The following ABCA12 variants were observed in gnomAD, a reference collection of about 807,000 sequenced individuals.
The protein encoded by ABCA12 is glucosylceramide transporter ABCA12.
A neutral mutation model predicts 293.5 loss-of-function variants in ABCA12; 156 were observed. The ratio of observed to expected loss-of-function variants is 0.53; its 90% CI spans 0.47 to 0.61. The LOEUF is 0.61. Ranked by LOEUF, ABCA12 falls within the 20% of genes least tolerant of loss-of-function variation. The probability of loss-of-function intolerance (pLI) is 0.00; values close to 1 mark genes in which losing one functional copy is unlikely to be tolerated. For synonymous variants in ABCA12, 1,063 were observed against 1,108.0 expected (o/e 0.96, Z 0.81); for missense variants, 2,797 against 3,090.2 (o/e 0.91, Z 2.25).
chr2:215,014,961 G>A (rs1173004181), intron 15 of ABCA12, among the ~76,000 whole-genome samples: 1 of 152,138 alleles, frequency 6.6e-6, no homozygotes, highest in Non-Finnish European at 1.5e-5. Context: ...ATTGCAAGAT[G>A]AAGTCAATGC....
intron 1 of ABCA12, among the ~76,000 whole-genome samples, chr2:215,114,467 A>G (rs2106131674): frequency 6.6e-6 from 1 of 152,316 alleles, no homozygotes; most frequent in Admixed American, 6.5e-5. Flanking sequence ...TGGGTGCAGA[A>G]AGTTAGCATA....
chr2:214,971,850 T>C (rs1006810315), intron 36 of ABCA12, among the ~76,000 whole-genome samples: 4 of 151,968 alleles, frequency 2.6e-5, no homozygotes, highest in African/African-American at 9.7e-5. Flanking sequence ...TAAAAACTGT[T>C]TGCACAAAAT....
intron 48 of ABCA12, 27 bp from the exon 49 acceptor site, chr2:214,945,131 T>C (rs1314471542): frequency 1.3e-6 from 2 of 1,556,568 alleles, no homozygotes; most frequent in Non-Finnish European, 8.8e-7. Context: ...AACAAAAATT[T>C]ATCAAATTAA....
chr2:215,099,969 A>G (rs951077961), intron 2 of ABCA12, among the ~76,000 whole-genome samples: 2 of 151,836 alleles, frequency 1.3e-5, no homozygotes, highest in Non-Finnish European at 2.9e-5. Context: ...CTCCTAGTCT[A>G]GTATTCAAAA....
intron 19 of ABCA12, among the ~76,000 whole-genome samples, 157 bp from the exon 20 acceptor site, chr2:215,004,456 G>A (rs1474125724): frequency 6.6e-6 from 1 of 152,196 alleles, no homozygotes; most frequent in Admixed American, 6.5e-5. Context: ...GAGAAGAAAA[G>A]AGAAGATTGG....
At chr2:215,099,379 C>T (rs1222057760) in intron 2 of ABCA12, among the ~76,000 whole-genome samples, 1 of 152,190 alleles carries the variant, frequency 6.6e-6, no homozygotes, top group Non-Finnish European at 1.5e-5. Context: ...AAGGCAAAGC[C>T]ATGTGGCTAA....
At chr2:214,939,412 G>A (rs1698325504) in intron 50 of ABCA12, among the ~76,000 whole-genome samples, 1 of 152,130 alleles carries the variant, frequency 6.6e-6, no homozygotes, top group African/African-American at 2.4e-5. Context: ...CTCCAGCTTT[G>A]TTCTTTTTGC....
chr2:215,046,468 T>C (rs1045221583), intron 6 of ABCA12, among the ~76,000 whole-genome samples: 4 of 147,674 alleles, frequency 2.7e-5, no homozygotes, highest in African/African-American at 9.9e-5. Context: ...TAGATTTTTA[T>C]ATATATATAA....
Position 214,973,361 on chromosome 2 carries a change from TTTC to T in ABCA12, c.5562+585_5562+587del, listed in dbSNP as rs201078228. 2.0e-3 allele frequency among the ~76,000 whole-genome samples: 304 copies of T among 152,352 alleles called. 2 individuals carry two copies. Among genetic ancestry groups the T allele is most frequent in the Middle Eastern group, 0.017 (5 of 294 alleles). On this transcript the variant is annotated intron_variant, in intron 36 of 52. Transcript: ENST00000272895. ...CTATTAGAAACTAATAGTGACCTTT[TTTC>T]TTCAACAATCTTGAACTTCTCTAGT...
chr2:215,099,727 A>G (rs1417763390), intron 2 of ABCA12, among the ~76,000 whole-genome samples: 1 of 151,912 alleles, frequency 6.6e-6, no homozygotes, highest in African/African-American at 2.4e-5. Context: ...CCCCTGGAAA[A>G]TGGAGGATGA....
At chr2:215,040,267 G>A (rs1035148826) in intron 7 of ABCA12, among the ~76,000 whole-genome samples, 1 of 151,834 alleles carries the variant, frequency 6.6e-6, no homozygotes, top group Non-Finnish European at 1.5e-5. Context: ...CTATCAAAAA[G>A]GCAAACTATA....
In ABCA12 at chr2:214,953,748, C is replaced by T; in HGVS notation, c.6647+106G>A. 6 of 1,421,778 alleles carry T rather than the reference C, an allele frequency of 4.2e-6. No homozygotes were observed. In the South Asian group the frequency reaches 6.6e-5, roughly 16 times the overall value. 88.1% of individuals were successfully genotyped at this position (1,421,778 alleles called of 1,614,324 possible). ...ATTTTTTAAAAGTTTTTGAGCCAAA[C>T]ATTTCCATATTACCAATGGAAAAGC... On this transcript the variant is annotated intron_variant, in intron 44 of 52. Transcript: ENST00000272895.
chr2:215,090,789 A>G (rs1389816926), intron 2 of ABCA12, among the ~76,000 whole-genome samples: 3 of 151,814 alleles, frequency 2.0e-5, no homozygotes, highest in Admixed American at 6.6e-5. Context: ...ACCCTCTTTT[A>G]TCTAGATTTA....
chr2:215,134,591 CTCTCTCTCTA>C lies in ABCA12; in HGVS notation c.69+3539_69+3548del, dbSNP rs1397049803. Among the ~76,000 whole-genome samples the C allele has an allele frequency of 2.0e-3, 159 of 80,682 alleles. 18 individuals are homozygous for C. Among genetic ancestry groups the C allele is most frequent in the African/African-American group, 0.014 (153 of 10,578 alleles). The allele number at this position is 80,682 out of a possible 152,430, so 52.9% of individuals were successfully genotyped here. A position where few individuals can be genotyped will look rare whatever the true frequency, so the allele number is the denominator to read the frequency against. On this transcript the variant is annotated intron_variant, in intron 1 of 52. Coordinates refer to ENST00000272895, the MANE Select transcript of ABCA12 (RefSeq NM_173076.3). ...GTATATATATAATCTCTCTCTCTCTCTCTCTCTCTATATATATATATATATAGAGAGAGAG... is the reference window on the plus strand; with the variant it reads ...GTATATATATAATCTCTCTCTCTCTCTATATATATATATATAGAGAGAGAG...
intron 39 of ABCA12, among the ~76,000 whole-genome samples, chr2:214,961,280 A>C (rs1699106245): frequency 6.6e-6 from 1 of 152,126 alleles, no homozygotes; most frequent in Admixed American, 6.5e-5. Context: ...ACTATTACTA[A>C]TTTCTATATA....
intron 24 of ABCA12, among the ~76,000 whole-genome samples, chr2:214,990,481 T>C (rs1358176401): frequency 6.6e-6 from 1 of 152,232 alleles, no homozygotes; most frequent in African/African-American, 2.4e-5. Flanking sequence ...TTAGGAACTA[T>C]TTCTTAACAG....
At chr2:215,049,595 G>C in intron 6 of ABCA12, 31 bp downstream of exon 6, 1 of 1,559,790 alleles carries the variant, frequency 6.4e-7, no homozygotes, top group Non-Finnish European at 8.7e-7. Flanking sequence ...TTCATGTTGA[G>C]TCACTTTGTG....
intron 15 of ABCA12, among the ~76,000 whole-genome samples, chr2:215,014,006 C>T (rs192437488): frequency 2.1e-4 from 32 of 152,152 alleles, no homozygotes; most frequent in African/African-American, 7.2e-4. Flanking sequence ...CATGATACAA[C>T]CCCATCCCTA....
In ABCA12 at chr2:215,045,826, C is replaced by A. The variant is rs758308753; in HGVS notation, c.872+11G>T. ...ACACTAATATTACATTTAATTCTTACATTTTCTTACCTGTTTGCCTTTCGA... is the reference window on the plus strand; with the variant it reads ...ACACTAATATTACATTTAATTCTTAAATTTTCTTACCTGTTTGCCTTTCGA... On this transcript the variant is annotated intron_variant, in intron 7 of 52. Transcript: ENST00000272895. 1.9e-6 allele frequency: 3 copies of A among 1,610,808 alleles called. No individual in the cohort carries two copies. The highest frequency in any genetic ancestry group is 1.3e-5 in the African/African-American group (1 of 74,756).
Sources: allele counts gnomAD v4.1 joint callset (sites outside exome capture counted in the v4.1 genomes callset), GRCh38; gene constraint gnomAD v4.1.1; transcripts MANE v1.5; gene names NCBI Gene and HGNC (gene_info 2026-07-23, HGNC 2026-07-21).